EYS: variants seen among roughly 807,000 people sequenced by gnomAD.
EYS encodes protein eyes shut homolog.
A neutral mutation model predicts 282.1 loss-of-function variants in EYS; 250 were observed. The observed-to-expected ratio is 0.89, with a 90% CI of 0.80 to 0.98. The LOEUF is 0.98. Ranked by LOEUF, EYS falls within the 50% of genes least tolerant of loss-of-function variation. The probability of loss-of-function intolerance (pLI) is 0.00; values close to 1 mark genes in which losing one functional copy is unlikely to be tolerated. For synonymous variants in EYS, 1,355 were observed against 1,282.9 expected (o/e 1.06, Z -1.20); for missense variants, 4,016 against 3,709.0 (o/e 1.08, Z -2.15).
rs1441261389 is a variant in EYS, at chr6:64,732,235, A to ATG, written c.3443+81142_3443+81143insCA. ...GGTGATGGGTTGCTGGGTGCAGCAAACCACCGTGGCACGTGTATACCTATG... is the reference window on the plus strand; with the variant it reads ...GGTGATGGGTTGCTGGGTGCAGCAAATGCCACCGTGGCACGTGTATACCTATG... On this transcript the variant is annotated intron_variant, in intron 22 of 42. Coordinates refer to ENST00000503581, the MANE Select transcript of EYS (RefSeq NM_001142800.2). 9.4e-5 allele frequency among the ~76,000 whole-genome samples: 13 copies of ATG among 138,158 alleles called. No individual in the cohort carries two copies. In the East Asian group the frequency reaches 3.7e-3, roughly 40 times the overall value. 90.6% of individuals were successfully genotyped at this position (138,158 alleles called of 152,430 possible). A position where few individuals can be genotyped will look rare whatever the true frequency, so the allele number is the denominator to read the frequency against.
intron 37 of EYS, among the ~76,000 whole-genome samples, chr6:63,803,223 T>C (rs1770821802): frequency 6.6e-6 from 1 of 151,874 alleles, no homozygotes; most frequent in Admixed American, 6.6e-5. Context: ...GGGTCTGCAA[T>C]ATTCATTTGA....
intron 28 of EYS, among the ~76,000 whole-genome samples, chr6:64,402,328 T>G (rs545617642): frequency 6.6e-6 from 1 of 152,310 alleles, no homozygotes; most frequent in Non-Finnish European, 1.5e-5. Context: ...ATTGGCAGAG[T>G]TGTGATTTAT....
In EYS at chr6:65,042,795, G is replaced by GGAAA. The variant is rs1256659865; in HGVS notation, c.2137+14818_2137+14819insTTTC. On this transcript the variant is annotated intron_variant, in intron 13 of 42. Coordinates refer to ENST00000503581, the MANE Select transcript of EYS (RefSeq NM_001142800.2). Reference sequence around the variant, plus strand: ...GTCTTTCTGTAAGTTTCCACTTGGTGCTATTTCCCTTTATGCTGAAGAAAT... The same window carrying GGAAA: ...GTCTTTCTGTAAGTTTCCACTTGGTGGAAACTATTTCCCTTTATGCTGAAGAAAT... Among the ~76,000 whole-genome samples the GGAAA allele has an allele frequency of 5.3e-5, 8 of 151,216 alleles. No homozygotes were observed. The East Asian group carries it at 9.7e-4, about 18-fold the overall frequency.
At chr6:64,619,250 A>C (rs2149851060) in intron 23 of EYS, among the ~76,000 whole-genome samples, 1 of 152,318 alleles carries the variant, frequency 6.6e-6, no homozygotes, top group South Asian at 2.1e-4. Context: ...TTAAGCAATT[A>C]AAATGACATA....
intron 41 of EYS, among the ~76,000 whole-genome samples, chr6:63,743,768 AT>A (rs1223760666): frequency 6.6e-6 from 1 of 152,008 alleles, no homozygotes; most frequent in Non-Finnish European, 1.5e-5. Context: ...AAAGAAGAAC[AT>A]TTGAGTATTC....
At chr6:64,954,578 G>A (rs1410777025) in intron 14 of EYS, among the ~76,000 whole-genome samples, 1 of 152,004 alleles carries the variant, frequency 6.6e-6, no homozygotes, top group Non-Finnish European at 1.5e-5. Flanking sequence ...TACATGTTTT[G>A]GTCTGAGAGC....
chr6:65,042,375 G>A (rs1402334403), intron 13 of EYS, among the ~76,000 whole-genome samples: 2 of 151,272 alleles, frequency 1.3e-5, no homozygotes, highest in Non-Finnish European at 3.0e-5. Flanking sequence ...TTTGATCATT[G>A]AATTTATGTT....
intron 33 of EYS, among the ~76,000 whole-genome samples, chr6:64,057,874 C>G (rs1771038149): frequency 6.6e-6 from 1 of 152,100 alleles, no homozygotes; most frequent in Non-Finnish European, 1.5e-5. Context: ...CTCTGTCACC[C>G]AGGCTGGAGT....
intron 22 of EYS, among the ~76,000 whole-genome samples, chr6:64,741,868 G>T (rs925503376): frequency 1.3e-5 from 2 of 152,176 alleles, no homozygotes; most frequent in Admixed American, 1.3e-4. Context: ...GTCATACCTG[G>T]TTTGATCTTC....
intron 12 of EYS, among the ~76,000 whole-genome samples, chr6:65,281,111 G>A (rs1768209690): frequency 6.8e-6 from 1 of 147,432 alleles, no homozygotes; most frequent in Non-Finnish European, 1.5e-5. Flanking sequence ...TCATATATAT[G>A]TATATGTACA....
chr6:64,399,940 C>T (rs1773492229), intron 28 of EYS, among the ~76,000 whole-genome samples: 1 of 151,858 alleles, frequency 6.6e-6, no homozygotes, highest in East Asian at 1.9e-4. Flanking sequence ...GTATTAGCTG[C>T]ATGGAATTCA....
intron 2 of EYS, among the ~76,000 whole-genome samples, chr6:65,556,854 C>T (rs1768828160): frequency 6.6e-6 from 1 of 151,932 alleles, no homozygotes; most frequent in African/African-American, 2.4e-5. Flanking sequence ...TGAATATGAA[C>T]CTTAAAGTGT....
At chr6:65,514,894 T>A (rs1301712982) in intron 2 of EYS, among the ~76,000 whole-genome samples, 3 of 152,122 alleles carry the variant, frequency 2.0e-5, no homozygotes, top group East Asian at 1.9e-4. Flanking sequence ...GGACTTCATG[T>A]CTAAAACACC....
At chr6:64,110,183 AAAGT>A (rs923642356) in intron 31 of EYS, among the ~76,000 whole-genome samples, 7 of 151,976 alleles carry the variant, frequency 4.6e-5, no homozygotes, top group African/African-American at 1.2e-4. Context: ...TTTTTTTTAA[AAAGT>A]AAGCATGGAG....
At chr6:63,737,669 G>A (rs1452743904) in intron 41 of EYS, among the ~76,000 whole-genome samples, 4 of 152,290 alleles carry the variant, frequency 2.6e-5, no homozygotes, top group African/African-American at 9.6e-5. Context: ...AATGGTACCA[G>A]TTCCTCCTTA....
intron 19 of EYS, among the ~76,000 whole-genome samples, chr6:64,832,913 T>C (rs939301804): frequency 6.6e-6 from 1 of 151,964 alleles, no homozygotes; most frequent in Non-Finnish European, 1.5e-5. Context: ...ATTCTTTAGT[T>C]CAAAGGACAT....
chr6:65,405,479 T>C (rs1452492000), intron 5 of EYS, 112 bp from the exon 6 acceptor site: 1 of 858,670 alleles, frequency 1.2e-6, no homozygotes, highest in South Asian at 1.6e-5. Context: ...TTATGAAATA[T>C]TTTTATTTAA....
chr6:64,938,230 T>A (rs184615208), intron 15 of EYS, among the ~76,000 whole-genome samples: 1 of 151,776 alleles, frequency 6.6e-6, no homozygotes, highest in East Asian at 1.9e-4. Flanking sequence ...ACGAATCTAC[T>A]AAATCTATAG....
At chr6:65,074,387 T>C (rs981137046) in intron 12 of EYS, among the ~76,000 whole-genome samples, 2 of 151,982 alleles carry the variant, frequency 1.3e-5, no homozygotes, top group Non-Finnish European at 2.9e-5. Flanking sequence ...CTGCCCTTCA[T>C]GGCATAATCT....
Sources: allele counts gnomAD v4.1 joint callset (sites outside exome capture counted in the v4.1 genomes callset), GRCh38; gene constraint gnomAD v4.1.1; transcripts MANE v1.5; gene names NCBI Gene and HGNC (gene_info 2026-07-23, HGNC 2026-07-21).